Variants in RASSF3 observed in about 807,000 individuals in gnomAD.
RASSF3 encodes the protein Ras association domain family member 3.
RASSF3 carries 19 observed loss-of-function variants against 19.9 expected under a neutral mutation model. The ratio of observed to expected loss-of-function variants is 0.96; its 90% CI spans 0.67 to 1.40. The LOEUF is 1.40. RASSF3 is among the 40% of genes most tolerant of loss of function. The probability of loss-of-function intolerance (pLI) is 0.00; values close to 1 mark genes in which losing one functional copy is unlikely to be tolerated. For synonymous variants in RASSF3, 110 were observed against 104.2 expected (o/e 1.06, Z -0.34); for missense variants, 306 against 289.8 (o/e 1.06, Z -0.41).
intron 2 of RASSF3, among the ~76,000 whole-genome samples, chr12:64,569,710 A>C (rs1223389542): frequency 6.6e-6 from 1 of 152,222 alleles, no homozygotes; most frequent in Non-Finnish European, 1.5e-5. Flanking sequence ...TCACGCCTGT[A>C]ATCCCAGCAC....
intron 1 of RASSF3, among the ~76,000 whole-genome samples, chr12:64,668,256 T>TTTCTTCTTC (rs139462401): frequency 1.4e-3 from 207 of 148,902 alleles, no homozygotes; most frequent in African/African-American, 3.2e-3. Flanking sequence ...TACCAATCCT[T>TTTCTTCTTC]TTCTTCTTCT....
chr12:64,543,454 C>CCCCCCGCT (rs1868986507), downstream of RASSF3, among the ~76,000 whole-genome samples: 1 of 99,128 alleles, frequency 1.0e-5, no homozygotes. Context: ...GCCCGCCCGC[C>CCCCCCGCT]CCCCGCTCCC....
upstream of RASSF3, among the ~76,000 whole-genome samples, chr12:64,606,081 C>A (rs942698776): frequency 6.6e-6 from 1 of 152,014 alleles, no homozygotes; most frequent in African/African-American, 2.4e-5. Context: ...CATGCAAGAT[C>A]CAGAGGAAGA....
intron 1 of RASSF3, among the ~76,000 whole-genome samples, chr12:64,647,048 C>G (rs1410530638): frequency 6.6e-6 from 1 of 152,034 alleles, no homozygotes; most frequent in Non-Finnish European, 1.5e-5. Flanking sequence ...TAATCTAGGT[C>G]TGTCTAACTA....
intron 1 of RASSF3, among the ~76,000 whole-genome samples, chr12:64,519,875 G>C (rs916968704): frequency 6.6e-6 from 1 of 152,050 alleles, no homozygotes; most frequent in African/African-American, 2.4e-5. Flanking sequence ...AGAGATTTAA[G>C]AGGCAGAGTA....
At chr12:64,633,289 T>C (rs1185706105) in intron 1 of RASSF3, among the ~76,000 whole-genome samples, 3 of 152,248 alleles carry the variant, frequency 2.0e-5, no homozygotes, top group East Asian at 1.9e-4. Context: ...TCAAATCTTA[T>C]GTTGAAACGT....
chr12:64,691,465 C>A lies in RASSF3; in HGVS notation c.458-5C>A, dbSNP rs759303542. Reference sequence around the variant, plus strand: ...CTGTAACATGCTGCTTGTTTCTTTACCCAGTCTACGCCTGCAAGCTCTCAG... The same window carrying A: ...CTGTAACATGCTGCTTGTTTCTTTAACCAGTCTACGCCTGCAAGCTCTCAG... On this transcript the variant is annotated splice_region_variant and splice_polypyrimidine_tract_variant and intron_variant, in intron 3 of 4. Coordinates refer to ENST00000542104, the MANE Select transcript of RASSF3 (RefSeq NM_178169.4). The A allele has an allele frequency of 6.3e-7, 1 of 1,599,762 alleles. No individual in the cohort carries two copies. The highest frequency in any genetic ancestry group is 1.7e-5 in the Admixed American group (1 of 59,958).
chr12:64,606,688 G>C (rs1870199223), upstream of RASSF3, among the ~76,000 whole-genome samples: 1 of 152,140 alleles, frequency 6.6e-6, no homozygotes, highest in South Asian at 2.1e-4. Flanking sequence ...GGCGGTGCGT[G>C]CCTGTAATCC....
chr12:64,525,284 A>T (rs1341853163), intron 1 of RASSF3, among the ~76,000 whole-genome samples: 1 of 143,140 alleles, frequency 7.0e-6, no homozygotes, highest in African/African-American at 3.0e-5. Flanking sequence ...CAAGAAAAAT[A>T]AAAAAAGAAA....
In RASSF3 at chr12:64,602,110, G is replaced by A. The variant is rs369597811; in HGVS notation, c.294+60405G>A. On this transcript the variant is annotated intron_variant, in intron 2 of 5. Coordinates refer to the RASSF3 transcript ENST00000637125. ...CCAGCCTGGGTGACAGAGCGACTTC[G>A]TCTCAGAAAAAAAAAAAAAAAAATT... Among the ~76,000 whole-genome samples, 1,105 of 145,520 alleles carry A rather than the reference G, an allele frequency of 7.6e-3. 13 individuals carry two copies. The highest frequency in any genetic ancestry group is 0.027 in the African/African-American group (1,056 of 39,240).
intron 1 of RASSF3, among the ~76,000 whole-genome samples, chr12:64,641,422 G>GCGCA (rs1871524785): frequency 1.7e-5 from 1 of 57,398 alleles, no homozygotes; most frequent in Admixed American, 1.4e-4. Flanking sequence ...ACACGCGCGC[G>GCGCA]CGCGCGTTGA....
At chr12:64,619,486 C>T (rs1311683976) in intron 1 of RASSF3, among the ~76,000 whole-genome samples, 1 of 152,088 alleles carries the variant, frequency 6.6e-6, no homozygotes, top group African/African-American at 2.4e-5. Flanking sequence ...TAATTGCTAA[C>T]TGCTGCTACA....
intron 1 of RASSF3, among the ~76,000 whole-genome samples, chr12:64,669,108 T>C (rs1872617660): frequency 6.6e-6 from 1 of 152,218 alleles, no homozygotes. Flanking sequence ...CGTTGAACTA[T>C]GTGTCCTGTT....
At chr12:64,557,533 C>A (rs1039050807) in intron 2 of RASSF3, among the ~76,000 whole-genome samples, 3 of 152,076 alleles carry the variant, frequency 2.0e-5, no homozygotes, top group African/African-American at 7.2e-5. Flanking sequence ...AAGTGTACCC[C>A]CTTTGGACCT....
chr12:64,538,067 C>A (rs1050570828), intron 1 of RASSF3, among the ~76,000 whole-genome samples: 1 of 151,998 alleles, frequency 6.6e-6, no homozygotes, highest in African/African-American at 2.4e-5. Context: ...CAGCTCACAG[C>A]AGCCTCAATC....
chr12:64,508,757 G>A (rs1349623129), intron 1 of RASSF3, among the ~76,000 whole-genome samples: 1 of 152,060 alleles, frequency 6.6e-6, no homozygotes, highest in East Asian at 1.9e-4. Context: ...GGTAGCACAT[G>A]CCTGTAATCC....
At chr12:64,578,986 G>C (rs1220526882) in intron 2 of RASSF3, among the ~76,000 whole-genome samples, 1 of 152,116 alleles carries the variant, frequency 6.6e-6, no homozygotes, top group Non-Finnish European at 1.5e-5. Flanking sequence ...AATTAGCTGG[G>C]TGTGGTGGCG....
chr12:64,560,646 G>T (rs1869331622), intron 2 of RASSF3, among the ~76,000 whole-genome samples: 1 of 152,210 alleles, frequency 6.6e-6, no homozygotes, highest in Non-Finnish European at 1.5e-5. Context: ...GGCAATGAGG[G>T]AGCCAGTCTC....
intron 1 of RASSF3, among the ~76,000 whole-genome samples, chr12:64,632,149 G>T (rs563381727): frequency 2.9e-4 from 44 of 152,196 alleles, no homozygotes; most frequent in African/African-American, 9.4e-4. Context: ...TGCACATGTG[G>T]GAGTGGTGCA....
Sources: allele counts gnomAD v4.1 joint callset (sites outside exome capture counted in the v4.1 genomes callset), GRCh38; gene constraint gnomAD v4.1.1; transcripts MANE v1.5; gene names NCBI Gene and HGNC (gene_info 2026-07-23, HGNC 2026-07-21).